SGCD: variants seen among roughly 807,000 people sequenced by gnomAD.
The protein encoded by SGCD is delta-sarcoglycan.
A neutral mutation model predicts 36.6 loss-of-function variants in SGCD; 18 were observed. That is an observed-to-expected ratio of 0.49 (90% CI 0.34 to 0.73). The LOEUF (loss-of-function observed/expected upper bound fraction) is 0.73. SGCD is among the 30% of genes least tolerant of loss of function. The pLI is 0.01. For missense variants in SGCD, 387 were observed against 346.7 expected, an observed-to-expected ratio of 1.12 and a Z score of -0.92; for synonymous variants, 133 against 130.6, an observed-to-expected ratio of 1.02 and a Z score of -0.12.
intron 3 of SGCD, among the ~76,000 whole-genome samples, chr5:156,222,478 C>T (rs192417387): frequency 3.3e-5 from 5 of 152,110 alleles, no homozygotes; most frequent in East Asian, 1.9e-4. Context: ...TTAGCTTTTA[C>T]GGCGATTATA....
At chr5:155,949,884 G>T (rs1757517688) in intron 1 of SGCD, among the ~76,000 whole-genome samples, 1 of 152,128 alleles carries the variant, frequency 6.6e-6, no homozygotes, top group Admixed American at 6.6e-5. Flanking sequence ...CTCCTATCAT[G>T]TTACAGCCTT....
chr5:156,203,118 A>T (rs888902006), intron 3 of SGCD, among the ~76,000 whole-genome samples: 1 of 152,150 alleles, frequency 6.6e-6, no homozygotes, highest in Non-Finnish European at 1.5e-5. Flanking sequence ...TATAGAAGCC[A>T]TGTGGGGAAA....
In SGCD at chr5:156,157,931, T is replaced by C. The variant is rs530319729; in HGVS notation, c.-44+33912T>C. Among the ~76,000 whole-genome samples the C allele has an allele frequency of 2.0e-5, 3 of 151,862 alleles. No individual in the cohort carries two copies. The East Asian group carries it at 5.8e-4, about 29-fold the overall frequency. The stretch of plus-strand genomic sequence containing the variant: ...CACATTTTGAAATGATAAGTTAAAA[T>C]ATTAGCTTCTTAATGTATGTTCAAA... On this transcript the variant is annotated intron_variant, in intron 3 of 9. Coordinates refer to the SGCD transcript ENST00000517913.
Position 156,020,432 on chromosome 5 carries a change from C to T in SGCD, c.-281-97446C>T, listed in dbSNP as rs189724253. Among the ~76,000 whole-genome samples the T allele has an allele frequency of 4.5e-4, 69 of 152,224 alleles. 1 individual carries two copies. The highest frequency in any genetic ancestry group is 8.1e-4 in the Non-Finnish European group (55 of 68,022). Reference sequence around the variant, plus strand: ...TGAATAGCCTGCTTCATATTTTTAACAGCCACATTTTATCACATCATATGG... The same window carrying T: ...TGAATAGCCTGCTTCATATTTTTAATAGCCACATTTTATCACATCATATGG... On this transcript the variant is annotated intron_variant, in intron 1 of 9. Transcript: ENST00000517913.
At chr5:156,166,260 A>C (rs1763209670) in intron 3 of SGCD, among the ~76,000 whole-genome samples, 1 of 151,876 alleles carries the variant, frequency 6.6e-6, no homozygotes, top group African/African-American at 2.4e-5. Flanking sequence ...TAAACCACTT[A>C]AAAGGTACTG....
At chr5:156,321,060 C>A (rs575661968) in intron 3 of SGCD, among the ~76,000 whole-genome samples, 1 of 152,134 alleles carries the variant, frequency 6.6e-6, no homozygotes, top group South Asian at 2.1e-4. Flanking sequence ...TAAATAAATA[C>A]GGTTTCTATC....
chr5:155,971,192 G>A lies in SGCD; in HGVS notation c.-282+100768G>A, dbSNP rs146339217. On this transcript the variant is annotated intron_variant, in intron 1 of 9. Transcript: ENST00000517913. ...GTATTTGGTTTTTATAACTTCTATA[G>A]TGAAAGAAAGTAAGGGAGGAGACTT... Among the ~76,000 whole-genome samples, 392 of 152,290 alleles carry A rather than the reference G, an allele frequency of 2.6e-3. 12 individuals carry two copies. The East Asian group carries it at 0.065, about 25-fold the overall frequency.
chr5:156,736,080 G>A (rs560190265), intron 7 of SGCD, among the ~76,000 whole-genome samples: 9 of 152,240 alleles, frequency 5.9e-5, no homozygotes, highest in African/African-American at 2.2e-4. Flanking sequence ...CAGATGGGCC[G>A]TCGTCCTGCC....
intron 4 of SGCD, among the ~76,000 whole-genome samples, chr5:156,576,798 T>A (rs986815126): frequency 1.3e-5 from 2 of 152,214 alleles, no homozygotes; most frequent in African/African-American, 4.8e-5. Context: ...GTAAGTTCTT[T>A]GTACATTCTG....
chr5:156,681,924 A>G (rs1431285621), intron 7 of SGCD, among the ~76,000 whole-genome samples: 1 of 152,248 alleles, frequency 6.6e-6, no homozygotes, highest in Admixed American at 6.5e-5. Context: ...AGCAAATGCT[A>G]TTATGAAAGT....
At chr5:156,370,462 G>C (rs1048098499) in intron 3 of SGCD, among the ~76,000 whole-genome samples, 23 of 152,166 alleles carry the variant, frequency 1.5e-4, no homozygotes, top group Non-Finnish European at 2.8e-4. Flanking sequence ...GACTTGGAAA[G>C]GTGAGGTAAC....
At chr5:156,611,766 A>G in intron 6 of SGCD, among the ~76,000 whole-genome samples, 1 of 152,192 alleles carries the variant, frequency 6.6e-6, no homozygotes, top group East Asian at 1.9e-4. Context: ...GGCTATCTTT[A>G]TTCATGCTTA....
chr5:155,956,804 C>CG (rs911918175), intron 1 of SGCD, among the ~76,000 whole-genome samples: 2 of 150,590 alleles, frequency 1.3e-5, no homozygotes, highest in African/African-American at 4.9e-5. Context: ...AGGGCCCCCC[C>CG]CCCCGGTTAA....
chr5:156,756,155 A>C (rs1322681177), intron 7 of SGCD, among the ~76,000 whole-genome samples: 1 of 152,246 alleles, frequency 6.6e-6, no homozygotes, highest in Non-Finnish European at 1.5e-5. Context: ...GGTCTGGATC[A>C]GAGTGTTTTG....
intron 1 of SGCD, among the ~76,000 whole-genome samples, chr5:155,902,282 G>A (rs940532000): frequency 6.6e-5 from 10 of 152,212 alleles, no homozygotes; most frequent in South Asian, 2.1e-4. Context: ...TAAAGTAGTC[G>A]TTTTAAAAAA....
chr5:156,419,985 T>C (rs1580963233), intron 3 of SGCD, among the ~76,000 whole-genome samples: 1 of 152,222 alleles, frequency 6.6e-6, no homozygotes, highest in African/African-American at 2.4e-5. Context: ...AGGAAGACTC[T>C]TGTGACATGG....
At chr5:156,394,437 A>C (rs1355061771) in intron 3 of SGCD, among the ~76,000 whole-genome samples, 1 of 152,142 alleles carries the variant, frequency 6.6e-6, no homozygotes. Context: ...GAGAAGAGAC[A>C]ATACGAGAGA....
rs183168316 is a variant in SGCD, at chr5:156,580,940, G to A, written c.295-8291G>A. Among the ~76,000 whole-genome samples, 37 of 152,086 alleles carry A rather than the reference G, an allele frequency of 2.4e-4. No homozygotes were observed. In the South Asian group the frequency reaches 3.5e-3, roughly 14 times the overall value. On this transcript the variant is annotated intron_variant, in intron 4 of 8. Coordinates refer to ENST00000337851, the MANE Select transcript of SGCD (RefSeq NM_000337.6). ...GTCATTCTCCATCCCACTTTTTTCCGTTGCTGGTGAGGAGCTGCTATCCTT... is the reference window on the plus strand; with the variant it reads ...GTCATTCTCCATCCCACTTTTTTCCATTGCTGGTGAGGAGCTGCTATCCTT...
intron 7 of SGCD, among the ~76,000 whole-genome samples, chr5:156,712,753 G>A (rs1755048198): frequency 6.6e-6 from 1 of 152,176 alleles, no homozygotes. Context: ...GGACTTGTGT[G>A]CCATTCCACA....
Sources: gnomAD v4.1 joint callset for allele counts (sites outside exome capture counted in the v4.1 genomes callset) on GRCh38, gnomAD v4.1.1 for gene constraint, MANE v1.5 for transcripts, NCBI Gene and HGNC (gene_info 2026-07-23, HGNC 2026-07-21) for gene names.